The following TP63 variants were observed in gnomAD, a reference collection of about 807,000 sequenced individuals.
TP63 encodes tumor protein p63.
Under a neutral mutation model 82.8 loss-of-function variants are expected in TP63, and 17 were observed. The observed-to-expected ratio is 0.21, with a 90% confidence interval of 0.14 to 0.31. TP63 has a LOEUF of 0.31. Ranked by LOEUF, TP63 falls within the 10% of genes least tolerant of loss-of-function variation. The probability of loss-of-function intolerance (pLI) is 1.00; values close to 1 mark genes in which losing one functional copy is unlikely to be tolerated. For synonymous variants in TP63, 330 were observed against 321.7 expected, an observed-to-expected ratio of 1.03 and a Z score of -0.28; for missense variants, 648 against 895.3, an observed-to-expected ratio of 0.72 and a Z score of 3.52.
At chr3:189,818,943 A>G (rs536196577) in intron 4 of TP63, among the ~76,000 whole-genome samples, 1 of 152,216 alleles carries the variant, frequency 6.6e-6, no homozygotes, top group Non-Finnish European at 1.5e-5. Flanking sequence ...TGTTAGACCC[A>G]GAGTTTGTCT....
At chr3:189,716,183 A>G (rs916158099) in intron 1 of TP63, among the ~76,000 whole-genome samples, 2 of 152,212 alleles carry the variant, frequency 1.3e-5, no homozygotes, top group Non-Finnish European at 2.9e-5. Context: ...TCAGTGCTCA[A>G]TGCATCCGTT....
At chr3:189,714,017 C>G (rs1260921241) in intron 1 of TP63, among the ~76,000 whole-genome samples, 1 of 152,164 alleles carries the variant, frequency 6.6e-6, no homozygotes, top group Non-Finnish European at 1.5e-5. Flanking sequence ...ATCCTTAACA[C>G]ATCTGAAACC....
intron 10 of TP63, among the ~76,000 whole-genome samples, chr3:189,882,918 G>T (rs1029448629): frequency 6.6e-6 from 1 of 152,160 alleles, no homozygotes; most frequent in African/African-American, 2.4e-5. Context: ...CGTGAAATAT[G>T]ATTTTCTACA....
At chr3:189,667,254 G>A (rs9855034) in intron 1 of TP63, among the ~76,000 whole-genome samples, 60,284 of 147,590 alleles carry the variant, frequency 0.41, 13,371 homozygotes, top group Middle Eastern at 0.65. Context: ...TACTCACTGC[G>A]ACCTCTGCCT....
intron 4 of TP63, among the ~76,000 whole-genome samples, chr3:189,860,705 G>T (rs966449148): frequency 3.9e-5 from 6 of 152,142 alleles, no homozygotes; most frequent in African/African-American, 1.4e-4. Flanking sequence ...GGAAAATATG[G>T]TTTGCAGTAC....
chr3:189,786,446 AACACACACAC>A (rs59747587), intron 3 of TP63, among the ~76,000 whole-genome samples: 2,162 of 147,094 alleles, frequency 0.015, 61 homozygotes, highest in African/African-American at 0.049. Flanking sequence ...GACATACCTA[AACACACACAC>A]ACACACACAC....
chr3:189,868,283 G>T (rs1717978443), intron 7 of TP63, among the ~76,000 whole-genome samples: 1 of 152,168 alleles, frequency 6.6e-6, no homozygotes, highest in South Asian at 2.1e-4. Flanking sequence ...TTATCCTTGA[G>T]ACATCCACTG....
At chr3:189,713,322 G>A (rs1207377898) in intron 1 of TP63, among the ~76,000 whole-genome samples, 1 of 151,858 alleles carries the variant, frequency 6.6e-6, no homozygotes, top group Non-Finnish European at 1.5e-5. Flanking sequence ...CCAATTATCA[G>A]AGCTTGAGTA....
intron 1 of TP63, among the ~76,000 whole-genome samples, chr3:189,675,118 T>C (rs984956921): frequency 1.3e-4 from 20 of 152,198 alleles, no homozygotes; most frequent in Non-Finnish European, 2.4e-4. Context: ...TCATAGATGA[T>C]ACCTTCATAC....
At chr3:189,844,064 CT>C (rs1308152743) in intron 4 of TP63, 1 of 225,342 alleles carries the variant, frequency 4.4e-6, no homozygotes, top group East Asian at 1.5e-4. Context: ...TTCACCCCCC[CT>C]ACTTTTTATT....
chr3:189,844,206 T>A, intron 4 of TP63: 1 of 385,964 alleles, frequency 2.6e-6, no homozygotes, highest in Non-Finnish European at 5.1e-6. Flanking sequence ...GAGTCTCGCC[T>A]TGTCTCCCAG....
At chr3:189,632,898 A>G (rs35867177) in intron 1 of TP63, among the ~76,000 whole-genome samples, 17,937 of 152,136 alleles carry the variant, frequency 0.12, 1,452 homozygotes, top group East Asian at 0.4. Context: ...ATTCCATTAA[A>G]CATCTTTGGA....
At chr3:189,734,022 CCTTT>C (rs1041467357) in intron 1 of TP63, among the ~76,000 whole-genome samples, 5 of 151,862 alleles carry the variant, frequency 3.3e-5, no homozygotes, top group African/African-American at 9.7e-5. Context: ...TAGTTTTCTT[CCTTT>C]CTTTCTTTTC....
chr3:189,619,658 C>T, the TP63 span, among the ~76,000 whole-genome samples: 1 of 152,080 alleles, frequency 6.6e-6, no homozygotes, highest in Non-Finnish European at 1.5e-5. Context: ...TAGCAGTAAC[C>T]ATAAAGCTCT....
chr3:189,701,522 C>CATATATATATATATATATAT (rs35031313), intron 1 of TP63, among the ~76,000 whole-genome samples: 1 of 136,780 alleles, frequency 7.3e-6, no homozygotes, highest in African/African-American at 2.6e-5. Flanking sequence ...GATATATATA[C>CATATATATATATATATATAT]ATATATATAT....
intron 1 of TP63, among the ~76,000 whole-genome samples, chr3:189,683,762 G>A (rs1055899407): frequency 1.3e-5 from 2 of 152,102 alleles, no homozygotes. Context: ...CATTGCAGTA[G>A]CCTGCCAATC....
At chr3:189,646,951 A>C (rs1712469706) in intron 1 of TP63, among the ~76,000 whole-genome samples, 1 of 147,178 alleles carries the variant, frequency 6.8e-6, no homozygotes, top group Non-Finnish European at 1.5e-5. Flanking sequence ...GAATGCCACG[A>C]TTTTCATTGC....
chr3:189,638,621 T>C (rs1711541495), intron 1 of TP63, among the ~76,000 whole-genome samples: 1 of 152,192 alleles, frequency 6.6e-6, no homozygotes, highest in African/African-American at 2.4e-5. Context: ...TCACTTCTGA[T>C]GTTGTCAGAT....
Position 189,836,813 on chromosome 3 carries a change from G to A in TP63, c.580-27419G>A, listed in dbSNP as rs114955685. ...TGACTGCATGATGACCTGTAAGCATGTCACACTCTGACCAAAGTGTTTGTA... is the reference window on the plus strand; with the variant it reads ...TGACTGCATGATGACCTGTAAGCATATCACACTCTGACCAAAGTGTTTGTA... On this transcript the variant is annotated intron_variant, in intron 4 of 13. Coordinates refer to ENST00000264731, the MANE Select transcript of TP63 (RefSeq NM_003722.5). Among the ~76,000 whole-genome samples the A allele has an allele frequency of 3.2e-3, 493 of 152,274 alleles. 4 individuals carry two copies. The highest frequency in any genetic ancestry group is 0.011 in the African/African-American group (463 of 41,538).
Sources: gnomAD v4.1 joint callset for allele counts (sites outside exome capture counted in the v4.1 genomes callset) on GRCh38, gnomAD v4.1.1 for gene constraint, MANE v1.5 for transcripts, NCBI Gene and HGNC (gene_info 2026-07-23, HGNC 2026-07-21) for gene names.